Variants in NREP observed in about 807,000 individuals in gnomAD.
NREP encodes neuronal regeneration related protein.
In NREP, 5 loss-of-function variants were observed where a neutral mutation model predicts 8.6. That is an observed-to-expected ratio of 0.58 (90% CI 0.30 to 1.22). The LOEUF (loss-of-function observed/expected upper bound fraction) is 1.22, where lower values mean the gene tolerates loss of function less well. NREP is among the 50% of genes most tolerant of loss of function. NREP has a pLI of 0.07. For missense variants in NREP, 86 were observed against 82.5 expected (o/e 1.04, Z -0.17); for synonymous variants, 27 against 28.0 (o/e 0.96, Z 0.11).
At chr5:111,898,375 G>A (rs1487010916) in intron 2 of NREP, among the ~76,000 whole-genome samples, 4 of 152,166 alleles carry the variant, frequency 2.6e-5, no homozygotes, top group African/African-American at 7.2e-5. Flanking sequence ...TATTGGCTGA[G>A]GGGTGGAAGA....
intron 2 of NREP, among the ~76,000 whole-genome samples, chr5:111,922,863 A>T (rs976215023): frequency 2.6e-5 from 4 of 152,040 alleles, no homozygotes; most frequent in Admixed American, 6.6e-5. Context: ...TCCCTGATGG[A>T]GCCTTCCCAG....
At chr5:111,822,250 T>A (rs1196166605) in intron 2 of NREP, among the ~76,000 whole-genome samples, 2 of 152,240 alleles carry the variant, frequency 1.3e-5, no homozygotes, top group East Asian at 3.9e-4. Context: ...AGAAGGGGAA[T>A]AAAGAATAAT....
chr5:111,903,082 CTT>C (rs759722512), intron 2 of NREP, among the ~76,000 whole-genome samples: 5 of 122,684 alleles, frequency 4.1e-5, no homozygotes, highest in Admixed American at 8.2e-5. Flanking sequence ...TGTCTTTTCT[CTT>C]TTTTTTTTTT....
chr5:111,968,660 C>A (rs912542701), intron 2 of NREP, among the ~76,000 whole-genome samples: 3 of 152,172 alleles, frequency 2.0e-5, no homozygotes, highest in Non-Finnish European at 1.5e-5. Context: ...AAACTGATGA[C>A]CTTTCCTGCA....
chr5:111,801,756 C>T (rs975591722), intron 2 of NREP, among the ~76,000 whole-genome samples: 9 of 152,022 alleles, frequency 5.9e-5, no homozygotes, highest in African/African-American at 1.9e-4. Context: ...CAAAGATGAA[C>T]AATAAAATTT....
At chr5:111,867,140 T>TA (rs111229446) in intron 2 of NREP, among the ~76,000 whole-genome samples, 179 of 140,630 alleles carry the variant, frequency 1.3e-3, no homozygotes, top group Middle Eastern at 7.0e-3. Context: ...GAACTTTAAT[T>TA]AAAAAAAAAA....
In NREP at chr5:111,730,802, TCA is replaced by T. The variant is rs1748476905; in HGVS notation, c.*117_*118del. ...CACTGTAAATTCTCTAAAGCAAGGCTCAGAGTCCCATAGTTTCTTCTTATACT... is the reference window on the plus strand; with the variant it reads ...CACTGTAAATTCTCTAAAGCAAGGCTGAGTCCCATAGTTTCTTCTTATACT... On this transcript the variant is annotated 3_prime_UTR_variant, in exon 4 of 4. Transcript: ENST00000257435. 1 of 1,175,878 alleles carries T rather than the reference TCA, an allele frequency of 8.5e-7. No individual in the cohort carries two copies. Among genetic ancestry groups the T allele is most frequent in the Non-Finnish European group, 1.2e-6 (1 of 837,426 alleles). 72.8% of individuals were successfully genotyped at this position (1,175,878 alleles called of 1,614,324 possible).
chr5:111,908,619 T>A (rs1327468468), intron 2 of NREP, among the ~76,000 whole-genome samples: 2 of 152,040 alleles, frequency 1.3e-5, no homozygotes, highest in Non-Finnish European at 2.9e-5. Flanking sequence ...TTCTTTTTCA[T>A]GGCTGCATAG....
chr5:111,804,794 G>A (rs1425569207), intron 2 of NREP, among the ~76,000 whole-genome samples: 1 of 152,116 alleles, frequency 6.6e-6, no homozygotes, highest in Non-Finnish European at 1.5e-5. Flanking sequence ...GAGGTCAGGA[G>A]ATAGAGACCA....
At chr5:111,736,695 C>T (rs1269019160) in intron 2 of NREP, among the ~76,000 whole-genome samples, 1 of 151,956 alleles carries the variant, frequency 6.6e-6, no homozygotes, top group Non-Finnish European at 1.5e-5. Context: ...ACTATCTTTG[C>T]TCTACACCAG....
intron 2 of NREP, among the ~76,000 whole-genome samples, chr5:111,943,117 G>C (rs965674371): frequency 1.3e-5 from 2 of 151,894 alleles, no homozygotes; most frequent in Non-Finnish European, 2.9e-5. Context: ...AGGCAGCTAT[G>C]ACAACTGGCT....
intron 2 of NREP, among the ~76,000 whole-genome samples, chr5:111,815,880 G>A (rs929893918): frequency 6.6e-6 from 1 of 152,074 alleles, no homozygotes; most frequent in African/African-American, 2.4e-5. Flanking sequence ...GACACCACAC[G>A]TAAGATAAGG....
At chr5:111,832,986 T>C (rs1026202198) in intron 2 of NREP, among the ~76,000 whole-genome samples, 1 of 152,220 alleles carries the variant, frequency 6.6e-6, no homozygotes, top group Non-Finnish European at 1.5e-5. Flanking sequence ...TGTCCCTGAC[T>C]AATGTAGCTC....
At chr5:111,946,083 C>CAA (rs1308958357) in intron 2 of NREP, among the ~76,000 whole-genome samples, 1 of 123,630 alleles carries the variant, frequency 8.1e-6, no homozygotes, top group Non-Finnish European at 1.7e-5. Context: ...ATCACACACA[C>CAA]ACACACACAC....
At chr5:111,882,472 A>T (rs1358469218) in intron 2 of NREP, among the ~76,000 whole-genome samples, 1 of 152,208 alleles carries the variant, frequency 6.6e-6, no homozygotes, top group African/African-American at 2.4e-5. Flanking sequence ...TGCAGGAAAT[A>T]CAGAGAACGC....
At chr5:111,965,107 G>A (rs1396932831) in intron 2 of NREP, among the ~76,000 whole-genome samples, 1 of 151,982 alleles carries the variant, frequency 6.6e-6, no homozygotes, top group African/African-American at 2.4e-5. Context: ...ATAATCATGA[G>A]ATAGCTGCAA....
At chr5:111,840,880 G>A (rs931979603) in intron 2 of NREP, among the ~76,000 whole-genome samples, 5 of 152,032 alleles carry the variant, frequency 3.3e-5, no homozygotes, top group Admixed American at 1.3e-4. Flanking sequence ...AGATATTTGC[G>A]CAAGGGTGTG....
At chr5:111,880,818 C>T (rs1754037532) in intron 2 of NREP, among the ~76,000 whole-genome samples, 1 of 149,584 alleles carries the variant, frequency 6.7e-6, no homozygotes, top group Admixed American at 6.7e-5. Context: ...CTCATTGCAG[C>T]CTCAACATCC....
upstream of NREP, among the ~76,000 whole-genome samples, chr5:111,760,069 G>T (rs1293598565): frequency 6.6e-6 from 1 of 152,190 alleles, no homozygotes. Context: ...CGCAAAGATT[G>T]ACTTCAGCTA....
Sources: allele counts gnomAD v4.1 joint callset (sites outside exome capture counted in the v4.1 genomes callset), GRCh38; gene constraint gnomAD v4.1.1; transcripts MANE v1.5; gene names NCBI Gene and HGNC (gene_info 2026-07-23, HGNC 2026-07-21).